AP3M1: variants seen among roughly 807,000 people sequenced by gnomAD.
AP3M1 encodes AP-3 complex subunit mu-1.
A neutral mutation model predicts 42.6 loss-of-function variants in AP3M1; 29 were observed. The ratio of observed to expected loss-of-function variants is 0.68; its 90% CI spans 0.51 to 0.93. The LOEUF (loss-of-function observed/expected upper bound fraction) is 0.93. Ranked by LOEUF, AP3M1 falls within the 40% of genes least tolerant of loss-of-function variation. The pLI is 0.00. For synonymous variants in AP3M1, 178 were observed against 175.3 expected (o/e 1.02, Z -0.12); for missense variants, 416 against 510.2 (o/e 0.82, Z 1.78).
chr10:74,144,104 G>A (rs1841249370), intron 1 of AP3M1, among the ~76,000 whole-genome samples: 1 of 152,094 alleles, frequency 6.6e-6, no homozygotes, highest in Non-Finnish European at 1.5e-5. Flanking sequence ...TGGGACTACA[G>A]GAGCCCGCCA....
intron 2 of AP3M1, among the ~76,000 whole-genome samples, 166 bp downstream of exon 2, chr10:74,137,941 C>T (rs1419032720): frequency 6.6e-6 from 1 of 152,092 alleles, no homozygotes; most frequent in African/African-American, 2.4e-5. Context: ...ATAGAGCAGC[C>T]ATGTGTGTAA....
intron 1 of AP3M1, among the ~76,000 whole-genome samples, chr10:74,147,359 G>A (rs147704676): frequency 6.6e-6 from 1 of 152,286 alleles, no homozygotes; most frequent in East Asian, 1.9e-4. Flanking sequence ...CTTAATGCCT[G>A]CTAAGGAGCC....
chr10:74,138,415 T>C lies in AP3M1; in HGVS notation c.-3-33A>G, dbSNP rs760474990. ...GGCAAAGAAAGGTTTAAATTTATTA[T>C]ACATTAAATATCATTTAACATACAC... On this transcript the variant is annotated intron_variant, in intron 1 of 8. Transcript: ENST00000355264. 7.0e-6 allele frequency: 11 copies of C among 1,561,550 alleles called. No individual in the cohort carries two copies. The Admixed American group carries it at 1.5e-4, about 21-fold the overall frequency.
rs1243700501 is a variant in AP3M1 at position 74,126,216 on chromosome 10, G to C, written c.943C>G (p.Pro315Ala). The C allele has an allele frequency of 6.2e-7, 1 of 1,614,030 alleles. No individual in the cohort carries two copies. The highest frequency in any genetic ancestry group is 8.5e-7 in the Non-Finnish European group (1 of 1,180,038). Residue 315 changes from proline (P) to alanine (A), a missense_variant, in exon 7 of 9, where the codon CCA (proline) becomes GCA (alanine). Pro to Ala is a conservative substitution (Grantham distance 27, BLOSUM62 -1). Transcript: ENST00000355264. ...AGGTTCATGTTCAGCACAACTTTTG[G>C]CATGTGAACTGTCACTGTAATTCCT... ...IEGITVTVHM[P>A]KVVLNMNLTP...
At chr10:74,125,014 C>T (rs1164847491) in intron 7 of AP3M1, among the ~76,000 whole-genome samples, 1 of 152,040 alleles carries the variant, frequency 6.6e-6, no homozygotes, top group East Asian at 1.9e-4. Context: ...GAGTTTCACT[C>T]TTGTTGCCTA....
In AP3M1 at chr10:74,126,365, G is replaced by A. The variant is rs986652132; in HGVS notation, c.804-10C>T. ...TGGTATTGCCACTAGACTAAAAAGA[G>A]AAACAGAGAAAGATACAAAAGCACA... is the stretch of plus-strand genomic sequence containing the variant. On this transcript the variant is annotated splice_polypyrimidine_tract_variant and intron_variant, in intron 6 of 8. Transcript: ENST00000355264. The A allele has an allele frequency of 6.2e-7, 1 of 1,608,256 alleles. No individual in the cohort carries two copies. The highest frequency in any genetic ancestry group is 1.3e-5 in the African/African-American group (1 of 74,744).
rs1278488866 is a variant in AP3M1 at position 74,120,369 on chromosome 10, C to G, written c.*3441G>C. The G allele has an allele frequency of 6.6e-6, 1 of 152,196 alleles. No homozygotes were observed. The allele number at this position is 152,196 out of a possible 1,614,324, so 9.4% of individuals were successfully genotyped here. Reference sequence around the variant, plus strand: ...ATACAAGACAACCCTGGGGATTACACACTTGAAGGAATGGAAGTGGCAAAG... The same window carrying G: ...ATACAAGACAACCCTGGGGATTACAGACTTGAAGGAATGGAAGTGGCAAAG... On this transcript the variant is annotated 3_prime_UTR_variant, in exon 9 of 9. Transcript: ENST00000355264.
At chr10:74,147,064 C>A (rs534505774) in intron 1 of AP3M1, among the ~76,000 whole-genome samples, 1 of 152,208 alleles carries the variant, frequency 6.6e-6, no homozygotes. Flanking sequence ...GGGAGTATCA[C>A]CTGAGCTCGG....
At chr10:74,139,913 C>CAA (rs35170560) in intron 1 of AP3M1, among the ~76,000 whole-genome samples, 2,959 of 111,292 alleles carry the variant, frequency 0.027, 91 homozygotes, top group East Asian at 0.14. Flanking sequence ...GACTCCATCT[C>CAA]AAAAAAAAAA....
chr10:74,140,840 C>G (rs1489050114), intron 1 of AP3M1, among the ~76,000 whole-genome samples: 7 of 151,886 alleles, frequency 4.6e-5, no homozygotes, highest in Admixed American at 4.6e-4. Context: ...TTTCCACATA[C>G]AAAAGAATGA....
At chr10:74,149,708 A>G (rs1011942237) in intron 1 of AP3M1, among the ~76,000 whole-genome samples, 2 of 152,056 alleles carry the variant, frequency 1.3e-5, no homozygotes, top group Non-Finnish European at 2.9e-5. Context: ...ACTTGATCCC[A>G]TTCCTTTCCT....
chr10:74,130,981 G>A (rs1209810806), intron 4 of AP3M1, among the ~76,000 whole-genome samples: 12 of 151,830 alleles, frequency 7.9e-5, no homozygotes, highest in African/African-American at 2.9e-4. Context: ...GCGTGGTGGT[G>A]TGTGCGTGTA....
chr10:74,126,479 G>A, intron 6 of AP3M1, 124 bp from the exon 7 acceptor site: 1 of 678,932 alleles, frequency 1.5e-6, no homozygotes, highest in Non-Finnish European at 2.5e-6. Flanking sequence ...TCCACAATAA[G>A]GTACTACAGA....
chr10:74,134,045 C>T lies in AP3M1; in HGVS notation c.565G>A (p.Ala189Thr), dbSNP rs924000710. 1.7e-5 allele frequency: 28 copies of T among 1,613,902 alleles called. No homozygotes were observed. Among genetic ancestry groups the T allele is most frequent in the Admixed American group, 1.0e-4 (6 of 59,978 alleles). The change falls in exon 4 of 9, where the codon GCA becomes ACA. Residue 189 changes from alanine (A) to threonine (T), a missense_variant. Physicochemically the swap from Ala to Thr is moderately conservative, Grantham distance 58. Coordinates refer to ENST00000355264, the MANE Select transcript of AP3M1 (RefSeq NM_012095.6). ...CAATTACCTGATTTATCTATAATTG[C>T]GTCTATTTCTTCAACAACATCAAAA... is the stretch of plus-strand genomic sequence containing the variant. ...AYFDVVEEID[A>T]IIDKSGSTVF...
intron 1 of AP3M1, among the ~76,000 whole-genome samples, chr10:74,147,458 G>C (rs1841366050): frequency 6.6e-6 from 1 of 151,982 alleles, no homozygotes; most frequent in South Asian, 2.1e-4. Context: ...ACTGTAAATT[G>C]ACAAATTATA....
chr10:74,125,609 A>G (rs1372671617), intron 7 of AP3M1, among the ~76,000 whole-genome samples: 1 of 152,216 alleles, frequency 6.6e-6, no homozygotes, highest in African/African-American at 2.4e-5. Context: ...AATCATATTT[A>G]CCAGCTAATC....
At chr10:74,131,104 T>A (rs1296916182) in intron 4 of AP3M1, among the ~76,000 whole-genome samples, 2 of 152,084 alleles carry the variant, frequency 1.3e-5, no homozygotes, top group Non-Finnish European at 2.9e-5. Flanking sequence ...AATGTGAGAC[T>A]CTGTCTCAAA....
chr10:74,134,009 T>C lies in AP3M1; in HGVS notation c.583+18A>G. The C allele has an allele frequency of 6.2e-7, 1 of 1,612,274 alleles. No homozygotes were observed. The highest frequency in any genetic ancestry group is 8.5e-7 in the Non-Finnish European group (1 of 1,178,716). The stretch of plus-strand genomic sequence containing the variant: ...ATGAATTGTTTTTCCCCAAATAAGA[T>C]GACATGCACACAATTACCTGATTTA... On this transcript the variant is annotated intron_variant, in intron 4 of 8. Transcript: ENST00000355264.
intron 6 of AP3M1, among the ~76,000 whole-genome samples, chr10:74,128,533 C>T (rs1038898802): frequency 2.0e-5 from 3 of 152,068 alleles, no homozygotes; most frequent in African/African-American, 7.2e-5. Flanking sequence ...ACCACTGCAC[C>T]CGGCCCCTCA....
Sources: gnomAD v4.1 joint callset for allele counts (sites outside exome capture counted in the v4.1 genomes callset) on GRCh38, gnomAD v4.1.1 for gene constraint, MANE v1.5 for transcripts, NCBI Gene and HGNC (gene_info 2026-07-23, HGNC 2026-07-21) for gene names.